GLIS3: variants seen among roughly 807,000 people sequenced by gnomAD.
GLIS3 encodes GLIS family zinc finger 3.
A neutral mutation model predicts 78.6 loss-of-function variants in GLIS3; 53 were observed. That is an observed-to-expected ratio of 0.67 (90% CI 0.54 to 0.85). The LOEUF (loss-of-function observed/expected upper bound fraction) is 0.85. GLIS3 is among the 40% of genes least tolerant of loss of function. The pLI, the probability that GLIS3 is intolerant of heterozygous loss-of-function variation, is 0.00. For synonymous variants in GLIS3, 684 were observed against 509.9 expected (o/e 1.34, Z -4.60); for missense variants, 1,703 against 1,231.1 (o/e 1.38, Z -5.74).
chr9:3,996,683 G>C (rs1820766151), intron 4 of GLIS3, among the ~76,000 whole-genome samples: 1 of 151,952 alleles, frequency 6.6e-6, no homozygotes, highest in South Asian at 2.1e-4. Flanking sequence ...ACAAAGATAA[G>C]AAAATAAATT....
intron 4 of GLIS3, among the ~76,000 whole-genome samples, chr9:4,015,022 C>G (rs1027057490): frequency 6.6e-6 from 1 of 152,140 alleles, no homozygotes; most frequent in African/African-American, 2.4e-5. Context: ...GATAATAAAC[C>G]ATTATTTACA....
intron 6 of GLIS3, among the ~76,000 whole-genome samples, chr9:3,921,674 C>T (rs1002905785): frequency 1.3e-5 from 2 of 151,986 alleles, no homozygotes; most frequent in African/African-American, 4.8e-5. Context: ...AAAAAATCCA[C>T]ACAGCAAATC....
At chr9:4,362,051 G>A in the GLIS3 span, among the ~76,000 whole-genome samples, 1 of 152,198 alleles carries the variant, frequency 6.6e-6, no homozygotes, top group Non-Finnish European at 1.5e-5. Context: ...AGCAAAGAGG[G>A]ATAAATCTAC....
chr9:4,047,417 T>A (rs1389351031), intron 4 of GLIS3, among the ~76,000 whole-genome samples: 1 of 152,162 alleles, frequency 6.6e-6, no homozygotes, highest in Admixed American at 6.6e-5. Context: ...ATCTTAAGAA[T>A]CTTTATTTTT....
chr9:4,355,872 G>A, the GLIS3 span, among the ~76,000 whole-genome samples: 2 of 152,194 alleles, frequency 1.3e-5, no homozygotes, highest in African/African-American at 4.8e-5. Context: ...AAAGGGGCAT[G>A]TGGGAAAGTC....
intron 4 of GLIS3, among the ~76,000 whole-genome samples, chr9:4,007,183 G>A (rs1004753605): frequency 9.9e-5 from 15 of 152,256 alleles, no homozygotes; most frequent in East Asian, 7.7e-4. Context: ...TGGTTCAGCC[G>A]TGCTTGAGCC....
chr9:4,161,766 C>G (rs868512223), intron 2 of GLIS3, among the ~76,000 whole-genome samples: 1 of 147,458 alleles, frequency 6.8e-6, no homozygotes, highest in South Asian at 2.2e-4. Context: ...GTAGCCTCTG[C>G]CTCCCAGGTT....
At chr9:4,048,662 G>A in intron 4 of GLIS3, among the ~76,000 whole-genome samples, 1 of 152,026 alleles carries the variant, frequency 6.6e-6, no homozygotes, top group East Asian at 1.9e-4. Context: ...ATCAATAGGT[G>A]GCAGCATCTC....
At chr9:4,068,692 A>C (rs982381093) in intron 4 of GLIS3, among the ~76,000 whole-genome samples, 2 of 152,182 alleles carry the variant, frequency 1.3e-5, no homozygotes, top group Non-Finnish European at 2.9e-5. Flanking sequence ...ATGTACATAC[A>C]AATGGCCTCA....
At chr9:3,939,866 C>G (rs977873901) in intron 4 of GLIS3, among the ~76,000 whole-genome samples, 1 of 152,140 alleles carries the variant, frequency 6.6e-6, no homozygotes, top group African/African-American at 2.4e-5. Context: ...GAACCCAAGA[C>G]CAGTAAAATC....
chr9:4,280,719 T>A (rs191093372), intron 2 of GLIS3, among the ~76,000 whole-genome samples: 1 of 152,212 alleles, frequency 6.6e-6, no homozygotes, highest in African/African-American at 2.4e-5. Flanking sequence ...GTTCTTTTTC[T>A]CTTTTGCCTT....
At chr9:4,358,908 C>T in the GLIS3 span, among the ~76,000 whole-genome samples, 136,241 of 152,160 alleles carry the variant, frequency 0.9, 61,801 homozygotes, top group East Asian at 0.96. Context: ...CCTCCACTCT[C>T]CCACTCCAAG....
intron 2 of GLIS3, among the ~76,000 whole-genome samples, chr9:4,204,338 T>C (rs61607364): frequency 6.6e-6 from 1 of 152,122 alleles, no homozygotes; most frequent in Non-Finnish European, 1.5e-5. Flanking sequence ...TTTGTACATA[T>C]AACCATCTGA....
Position 4,200,738 on chromosome 9 carries a change from G to A in GLIS3, c.389-74797C>T, listed in dbSNP as rs530980037. Reference sequence around the variant, plus strand: ...GGCCAGATGGACTCACAGGACTCACGGCCAAATTCTACCAGACATACAAAG... The same window carrying A: ...GGCCAGATGGACTCACAGGACTCACAGCCAAATTCTACCAGACATACAAAG... On this transcript the variant is annotated intron_variant, in intron 2 of 10. Transcript: ENST00000381971. Among the ~76,000 whole-genome samples the A allele has an allele frequency of 5.3e-5, 8 of 152,126 alleles. No homozygotes were observed. The East Asian group carries it at 7.7e-4, about 15-fold the overall frequency.
At chr9:4,303,333 G>C (rs933223154), upstream of GLIS3, among the ~76,000 whole-genome samples, 2 of 151,850 alleles carry the variant, frequency 1.3e-5, no homozygotes, top group Non-Finnish European at 2.9e-5. Context: ...AGTGGAAAAA[G>C]TTAGTGTTTG....
At chr9:4,221,057 G>C (rs1407401678) in intron 2 of GLIS3, among the ~76,000 whole-genome samples, 1 of 152,042 alleles carries the variant, frequency 6.6e-6, no homozygotes, top group Non-Finnish European at 1.5e-5. Flanking sequence ...AAAAATAGAG[G>C]ATATCTTTTT....
chr9:4,159,033 G>GAA lies in GLIS3; in HGVS notation c.389-33094_389-33093dup, dbSNP rs1315271767. Among the ~76,000 whole-genome samples, 100 of 87,684 alleles carry GAA rather than the reference G, an allele frequency of 1.1e-3. 1 individual carries two copies. Among genetic ancestry groups the GAA allele is most frequent in the Non-Finnish European group, 1.9e-3 (81 of 43,030 alleles). The allele number at this position is 87,684 out of a possible 152,430, so 57.5% of individuals were successfully genotyped here. On this transcript the variant is annotated intron_variant, in intron 2 of 10. Coordinates refer to ENST00000381971, the MANE Select transcript of GLIS3 (RefSeq NM_001042413.2). ...TGGTATGCTAGAGAAAGGAGAAGAA[G>GAA]AAAAAAAAAAAAAAAAGCCAGGCTA...
chr9:4,279,366 A>AC (rs1827341545), intron 2 of GLIS3, among the ~76,000 whole-genome samples: 1 of 131,100 alleles, frequency 7.6e-6, no homozygotes, highest in Non-Finnish European at 1.7e-5. Context: ...CACACACATA[A>AC]TACATATTAT....
chr9:4,432,124 G>C, the GLIS3 span, among the ~76,000 whole-genome samples: 1 of 152,142 alleles, frequency 6.6e-6, no homozygotes, highest in East Asian at 1.9e-4. Context: ...CCATGGAAGA[G>C]GCACATCTGA....
Sources: gnomAD v4.1 joint callset for allele counts (sites outside exome capture counted in the v4.1 genomes callset) on GRCh38, gnomAD v4.1.1 for gene constraint, MANE v1.5 for transcripts, NCBI Gene and HGNC (gene_info 2026-07-23, HGNC 2026-07-21) for gene names.